Variants in RAB44 observed in about 807,000 individuals in gnomAD.
RAB44 encodes the protein RAB44, member RAS oncogene family.
A neutral mutation model predicts 93.3 loss-of-function variants in RAB44; 67 were observed. The observed-to-expected ratio is 0.72, with a 90% CI of 0.59 to 0.88. RAB44 has a LOEUF of 0.88. Among genes scored for constraint, RAB44 ranks in the 40% least tolerant of loss-of-function variants. RAB44 has a pLI of 0.00. For synonymous variants in RAB44, 427 were observed against 520.3 expected, an observed-to-expected ratio of 0.82 and a Z score of 2.44; for missense variants, 1,064 against 1,261.7, an observed-to-expected ratio of 0.84 and a Z score of 2.37.
At position 36,703,893 on chromosome 6, in the gene RAB44, C is replaced by T. The variant is rs146094924; in HGVS notation, c.-12-331C>T. Among the ~76,000 whole-genome samples the T allele has an allele frequency of 5.5e-4, 84 of 152,212 alleles. 2 individuals are homozygous for T. In the East Asian group the frequency reaches 0.015, roughly 27 times the overall value. On this transcript the variant is annotated intron_variant, in intron 1 of 13. Coordinates refer to ENST00000612677, the MANE Select transcript of RAB44 (RefSeq NM_001257357.2). ...AGGTCAAAACACGAGATAGATTCTG[C>T]GTGCGGTGAATAGGATATATTCTCT... is the stretch of plus-strand genomic sequence containing the variant.
At chr6:36,714,733 C>T (rs1485174511) in intron 3 of RAB44, among the ~76,000 whole-genome samples, 2 of 152,212 alleles carry the variant, frequency 1.3e-5, no homozygotes, top group Admixed American at 1.3e-4. Context: ...GTCTTCATTC[C>T]TGAATCGAAT....
chr6:36,712,904 C>T (rs185627560), intron 2 of RAB44, among the ~76,000 whole-genome samples: 5 of 152,232 alleles, frequency 3.3e-5, no homozygotes, highest in East Asian at 1.9e-4. Flanking sequence ...GATAAAAACA[C>T]GAAATTCACA....
intron 3 of RAB44, among the ~76,000 whole-genome samples, chr6:36,714,677 C>T (rs188695545): frequency 1.3e-4 from 20 of 152,302 alleles, no homozygotes; most frequent in Admixed American, 1.2e-3. Context: ...GAGGAACTGC[C>T]GGTGGGGCGC....
chr6:36,730,515 C>T (rs552120740), intron 12 of RAB44, among the ~76,000 whole-genome samples, 158 bp from the exon 13 acceptor site: 5 of 152,238 alleles, frequency 3.3e-5, no homozygotes, highest in African/African-American at 1.2e-4. Flanking sequence ...CAGGCAGGGA[C>T]CGTGGCCCAC....
chr6:36,710,222 C>A (rs1404510478), intron 2 of RAB44, among the ~76,000 whole-genome samples: 1 of 152,194 alleles, frequency 6.6e-6, no homozygotes, highest in Admixed American at 6.5e-5. Context: ...CTCCCCAACC[C>A]CTGGCTATCC....
chr6:36,713,194 T>G lies in RAB44; in HGVS notation c.208-634T>G, dbSNP rs540839272. 3.2e-3 allele frequency among the ~76,000 whole-genome samples: 492 copies of G among 152,248 alleles called. 3 individuals are homozygous for G. Among genetic ancestry groups the G allele is most frequent in the African/African-American group, 0.011 (466 of 41,536 alleles). ...TTATAGGAGATTTAACTCATTGACT[T>G]TTTTATTTTTATTTTTTTGAAACGG... On this transcript the variant is annotated intron_variant, in intron 2 of 13. Coordinates refer to ENST00000612677, the MANE Select transcript of RAB44 (RefSeq NM_001257357.2).
chr6:36,720,222 G>A (rs183930610), intron 7 of RAB44, 141 bp from the exon 8 acceptor site: 140 of 617,572 alleles, frequency 2.3e-4, no homozygotes, highest in African/African-American at 2.1e-3. Flanking sequence ...AGGGATAACC[G>A]CCCACCACTA....
At chr6:36,718,329 C>T (rs1762979227) in intron 6 of RAB44, among the ~76,000 whole-genome samples, 164 bp from the exon 7 acceptor site, 1 of 152,192 alleles carries the variant, frequency 6.6e-6, no homozygotes, top group South Asian at 2.1e-4. Context: ...CTCCTTGTTG[C>T]CACAATCTAG....
intron 11 of RAB44, 48 bp downstream of exon 11, chr6:36,727,739 G>A: frequency 2.4e-6 from 3 of 1,227,820 alleles, no homozygotes; most frequent in Non-Finnish European, 3.5e-6. Context: ...CAGTCAAGAG[G>A]GATCTTATAT....
chr6:36,730,551 C>T, intron 12 of RAB44, 122 bp from the exon 13 acceptor site: 1 of 523,742 alleles, frequency 1.9e-6, no homozygotes, highest in African/African-American at 2.0e-5. Context: ...TCTTGCTCGC[C>T]ACTGAGGTCA....
chr6:36,703,802 G>A (rs965516630), intron 1 of RAB44, among the ~76,000 whole-genome samples: 1 of 152,142 alleles, frequency 6.6e-6, no homozygotes, highest in African/African-American at 2.4e-5. Context: ...TCAGAGAGAT[G>A]GCTCAGAAGC....
At position 36,730,776 on chromosome 6, in the gene RAB44, C is replaced by T. The variant is rs1763345125; in HGVS notation, c.2975+27C>T. On this transcript the variant is annotated intron_variant, in intron 13 of 13. Coordinates refer to ENST00000612677, the MANE Select transcript of RAB44 (RefSeq NM_001257357.2). The stretch of plus-strand genomic sequence containing the variant: ...TAAGTGCTGCCCGCCCCCCGCCGCC[C>T]CCACCCCCCCCCTTGCAGAATCCTC... 8.2e-6 allele frequency: 9 copies of T among 1,102,852 alleles called. No homozygotes were observed. The South Asian group carries it at 1.4e-4, about 17-fold the overall frequency. 68.3% of individuals were successfully genotyped at this position (1,102,852 alleles called of 1,614,324 possible).
In RAB44 at chr6:36,721,925, C is replaced by T. The variant is rs1763096326; in HGVS notation, c.1791C>T (p.Gly597=). The change falls in exon 9 of 14, where the codon GGC becomes GGT. Residue 597 remains glycine, a synonymous_variant. Transcript: ENST00000612677. ...DALQQDLHAT[G]SEPRLGTQRA... is the part of the protein sequence containing the mutation. ...TCCAGCAGGACCTGCATGCCACTGG[C>T]TCTGAGCCAAGACTGGGGACCCAGA... 8.1e-7 allele frequency: 1 copy of T among 1,234,834 alleles called. No homozygotes were observed. 76.5% of individuals were successfully genotyped at this position (1,234,834 alleles called of 1,614,324 possible).
intron 2 of RAB44, among the ~76,000 whole-genome samples, chr6:36,710,753 A>G (rs966596379): frequency 6.6e-6 from 1 of 152,042 alleles, no homozygotes; most frequent in Non-Finnish European, 1.5e-5. Context: ...TGAGTAGAGT[A>G]GCTGGGATTA....
rs1322831069 is a variant in RAB44 at position 36,722,669 on chromosome 6, C to A, written c.2535C>A (p.Gly845=). ...HVIFLGDSNV[G]KTSFLHLLHQ... Reference sequence around the variant, plus strand: ...TCTTTCTGGGAGACTCCAACGTGGGCAAAACATCCTTCCTGCACCTGCTGC... The same window carrying A: ...TCTTTCTGGGAGACTCCAACGTGGGAAAAACATCCTTCCTGCACCTGCTGC... Residue 845 remains glycine, a synonymous_variant, in exon 9 of 14, where the codon GGC becomes GGA. Transcript: ENST00000612677. 1 of 1,550,670 alleles carries A rather than the reference C, an allele frequency of 6.4e-7. No homozygotes were observed. The highest frequency in any genetic ancestry group is 1.4e-5 in the African/African-American group (1 of 73,184).
Position 36,732,347 on chromosome 6 carries a change from G to C in RAB44, c.*254G>C. On this transcript the variant is annotated 3_prime_UTR_variant, in exon 14 of 14. Coordinates refer to ENST00000612677, the MANE Select transcript of RAB44 (RefSeq NM_001257357.2). ...AAACTCTCCAAACAAAGAAAGTCTA[G>C]AAAAACGACTTAAGGAAAATACACC... 9.4e-6 allele frequency: 2 copies of C among 211,910 alleles called. No homozygotes were observed. The allele number at this position is 211,910 out of a possible 1,614,324, so 13.1% of individuals were successfully genotyped here. A position where few individuals can be genotyped will look rare whatever the true frequency, so the allele number is the denominator to read the frequency against.
intron 7 of RAB44, among the ~76,000 whole-genome samples, chr6:36,719,311 C>G (rs1341575898): frequency 6.6e-6 from 1 of 152,214 alleles, no homozygotes; most frequent in Non-Finnish European, 1.5e-5. Flanking sequence ...GTTGATTTCC[C>G]AGGTGCCTCT....
Position 36,722,863 on chromosome 6 carries a change from T to C in RAB44, c.2599+130T>C, listed in dbSNP as rs1028129061. On this transcript the variant is annotated intron_variant, in intron 9 of 13. Transcript: ENST00000612677. ...TTCTGCCCTGGCCACGGGCCCTGCA[T>C]TAGACATTGTTTTATATGGGCATAA... is the stretch of plus-strand genomic sequence containing the variant. The C allele has an allele frequency of 3.9e-6, 4 of 1,019,326 alleles. No homozygotes were observed. In the African/African-American group the frequency reaches 6.5e-5, roughly 17 times the overall value. The allele number at this position is 1,019,326 out of a possible 1,614,324, so 63.1% of individuals were successfully genotyped here.
chr6:36,728,656 TGGCACACAGTG>T (rs1281393509), intron 11 of RAB44, 33 bp from the exon 12 acceptor site: 1 of 1,504,448 alleles, frequency 6.6e-7, no homozygotes, highest in African/African-American at 1.4e-5. Flanking sequence ...GCCAGGAGCC[TGGCACACAGTG>T]GGTGTGGCTG....
Sources: gnomAD v4.1 joint callset for allele counts (sites outside exome capture counted in the v4.1 genomes callset) on GRCh38, gnomAD v4.1.1 for gene constraint, MANE v1.5 for transcripts, NCBI Gene and HGNC (gene_info 2026-07-23, HGNC 2026-07-21) for gene names.